Variants in GCC2 observed in about 807,000 individuals in gnomAD.
The protein encoded by GCC2 is GRIP and coiled-coil domain containing 2.
In GCC2, 120 loss-of-function variants were observed where a neutral mutation model predicts 210.6. The observed-to-expected ratio is 0.57, with a 90% CI of 0.49 to 0.66. The LOEUF (loss-of-function observed/expected upper bound fraction) is 0.66. Ranked by LOEUF, GCC2 falls within the 30% of genes least tolerant of loss-of-function variation. The pLI is 0.00. For missense variants in GCC2, 1,868 were observed against 1,871.9 expected, an observed-to-expected ratio of 1.00 and a Z score of 0.04; for synonymous variants, 703 against 652.7, an observed-to-expected ratio of 1.08 and a Z score of -1.17.
chr2:108,452,272 A>G, intron 3 of GCC2, 127 bp from the exon 4 acceptor site: 2 of 683,736 alleles, frequency 2.9e-6, no homozygotes. Context: ...GATTAATCAT[A>G]CTATTCTGCT....
At chr2:108,450,695 A>C (rs1179051200) in intron 2 of GCC2, among the ~76,000 whole-genome samples, 1 of 152,244 alleles carries the variant, frequency 6.6e-6, no homozygotes, top group Non-Finnish European at 1.5e-5. Context: ...CAGCCTGGCC[A>C]ACATGGTGAA....
In GCC2 at chr2:108,471,218, AAGT is replaced by A. The variant is rs1379176443; in HGVS notation, c.1892_1894del (p.Val631del). 7 of 1,606,420 alleles carry A rather than the reference AAGT, an allele frequency of 4.4e-6. No individual in the cohort carries two copies. The East Asian group carries it at 1.6e-4, about 36-fold the overall frequency. ...AGATTGATTCTTGAACTTGGGAAGA[AAGT>A]AGAGCAAACAATCCAGTACAACAGT... On this transcript the variant is annotated inframe_deletion, in exon 6 of 23. Transcript: ENST00000309863.
Position 108,495,472 on chromosome 2 carries a change from C to T in GCC2, c.4629C>T (p.Pro1543=), listed in dbSNP as rs779277462. Residue 1543 remains proline (P), a synonymous_variant, in exon 20 of 23, where the codon CCC becomes CCT. Coordinates refer to ENST00000309863, the MANE Select transcript of GCC2 (RefSeq NM_181453.4). ...CTTTAGAGCAGCTGCTTAACTCTCC[C>T]GAAACTAAACTTGGTATGTTACTCT... ...TQSLEQLLNS[P]ETKLEPPLWH... is the part of the protein sequence containing the mutation. 28 of 1,589,710 alleles carry T rather than the reference C, an allele frequency of 1.8e-5. No homozygotes were observed. The highest frequency in any genetic ancestry group is 2.4e-5 in the Non-Finnish European group (28 of 1,175,756).
At chr2:108,450,573 G>A (rs936581676) in intron 2 of GCC2, among the ~76,000 whole-genome samples, 2 of 152,180 alleles carry the variant, frequency 1.3e-5, no homozygotes, top group African/African-American at 4.8e-5. Flanking sequence ...CAGAATTGAC[G>A]TTGCATTTGC....
intron 9 of GCC2, among the ~76,000 whole-genome samples, chr2:108,480,247 G>A (rs1292801365): frequency 3.9e-5 from 6 of 152,098 alleles, no homozygotes; most frequent in African/African-American, 1.4e-4. Flanking sequence ...CTATTAAAAA[G>A]TCAAAAAAAT....
chr2:108,498,268 T>A (rs2104509433), intron 21 of GCC2, among the ~76,000 whole-genome samples: 1 of 128,582 alleles, frequency 7.8e-6, no homozygotes, highest in Non-Finnish European at 1.6e-5. Flanking sequence ...CAATCTCAGC[T>A]CACTGCAATC....
chr2:108,499,223 C>G (rs1682795790), intron 21 of GCC2, among the ~76,000 whole-genome samples: 1 of 152,178 alleles, frequency 6.6e-6, no homozygotes, highest in Middle Eastern at 3.4e-3. Flanking sequence ...CCTCTTCCTT[C>G]CAACCCCAAA....
At chr2:108,492,832 A>G in intron 19 of GCC2, 42 bp downstream of exon 19, 2 of 1,377,500 alleles carry the variant, frequency 1.5e-6, no homozygotes, top group Non-Finnish European at 2.1e-6. Flanking sequence ...TCATGTTTTC[A>G]TGCATTTGTC....
Position 108,469,856 on chromosome 2 carries a change from C to T in GCC2, c.527C>T (p.Ser176Phe), listed in dbSNP as rs769277550. The change falls in exon 6 of 23, where the codon TCT (serine) becomes TTT (phenylalanine). Residue 176 changes from serine (S) to phenylalanine (F), a missense_variant. This residue lies in a region of GCC2 where 1,847 missense variants were observed against 1,765.2 expected (regional missense o/e 1.05). Coordinates refer to ENST00000309863, the MANE Select transcript of GCC2 (RefSeq NM_181453.4). ...LSEQLKFQNN[S>F]EDNVKKLQEE... ...GAACAACTTAAATTTCAGAACAACT[C>T]TGAAGATAATGTTAAAAAACTACAA... is the stretch of plus-strand genomic sequence containing the variant. 1.9e-6 allele frequency: 3 copies of T among 1,612,456 alleles called. No individual in the cohort carries two copies. The highest frequency in any genetic ancestry group is 2.2e-5 in the East Asian group (1 of 44,844).
At chr2:108,473,396 T>A (rs1681341885) in intron 7 of GCC2, 1 of 152,222 alleles carries the variant, frequency 6.6e-6, no homozygotes, top group Admixed American at 6.6e-5. Flanking sequence ...AGAAAGGTAT[T>A]CTAGGAAGAA....
chr2:108,479,534 G>T (rs1201450871), intron 9 of GCC2, among the ~76,000 whole-genome samples: 2 of 151,902 alleles, frequency 1.3e-5, no homozygotes, highest in Non-Finnish European at 2.9e-5. Flanking sequence ...CCAGCTACTT[G>T]GGAGGCTGAG....
chr2:108,451,840 T>TCTCTCTC (rs1301476983), intron 3 of GCC2, among the ~76,000 whole-genome samples: 2 of 133,674 alleles, frequency 1.5e-5, no homozygotes, highest in African/African-American at 5.6e-5. Flanking sequence ...TCTCTCTCTC[T>TCTCTCTC]CTTTTTTTTT....
rs1044734650 is a variant in GCC2, at chr2:108,489,960, G to A, written c.4175G>A (p.Arg1392Lys). 9 of 1,611,196 alleles carry A rather than the reference G, an allele frequency of 5.6e-6. No homozygotes were observed. The highest frequency in any genetic ancestry group is 1.3e-5 in the African/African-American group (1 of 74,848). Residue 1392 changes from arginine (R) to lysine (K), a missense_variant, in exon 18 of 23, where the codon AGG becomes AAG. By Grantham distance (26) the Arg-to-Lys change is conservative. Transcript: ENST00000309863. ...TCTGAACATGATACACTGCTAGAAA[G>A]GCACAACAAGATGCTGCAGGAAACT... ...LQSEHDTLLE[R>K]HNKMLQETVS...
intron 9 of GCC2, among the ~76,000 whole-genome samples, chr2:108,479,868 A>G (rs1423442345): frequency 1.3e-5 from 2 of 150,196 alleles, no homozygotes; most frequent in East Asian, 3.9e-4. Context: ...TGTAATCCCA[A>G]CTACCCCAGA....
chr2:108,465,573 A>G (rs1680838575), intron 4 of GCC2, among the ~76,000 whole-genome samples: 2 of 152,154 alleles, frequency 1.3e-5, no homozygotes, highest in South Asian at 4.1e-4. Flanking sequence ...CTCATCGCTT[A>G]GCTCCTACTT....
intron 20 of GCC2, 188 bp downstream of exon 20, chr2:108,495,673 A>T: frequency 2.6e-6 from 1 of 387,822 alleles, no homozygotes; most frequent in Non-Finnish European, 4.8e-6. Flanking sequence ...GATGGATGGG[A>T]TGGATGGATG....
Position 108,489,963 on chromosome 2 carries a change from A to G in GCC2, c.4178A>G (p.His1393Arg), listed in dbSNP as rs1000234141. ...QSEHDTLLER[H>R]NKMLQETVSK... ...GAACATGATACACTGCTAGAAAGGCACAACAAGATGCTGCAGGAAACTGTG... is the reference window on the plus strand; with the variant it reads ...GAACATGATACACTGCTAGAAAGGCGCAACAAGATGCTGCAGGAAACTGTG... The change falls in exon 18 of 23, where the codon CAC becomes CGC. Residue 1393 changes from histidine to arginine, a missense_variant. His to Arg is a conservative substitution (Grantham distance 29, BLOSUM62 0). Coordinates refer to ENST00000309863, the MANE Select transcript of GCC2 (RefSeq NM_181453.4). The G allele has an allele frequency of 9.3e-6, 15 of 1,611,140 alleles. No homozygotes were observed. The highest frequency in any genetic ancestry group is 1.1e-5 in the Non-Finnish European group (13 of 1,179,062).
In GCC2 at chr2:108,490,008, G is replaced by A. The variant is rs764642889; in HGVS notation, c.4223G>A (p.Arg1408Gln). The change falls in exon 18 of 23, where the codon CGG becomes CAG. Residue 1408 changes from arginine (R) to glutamine (Q), a missense_variant. Arg to Gln is a conservative substitution (Grantham distance 43). Transcript: ENST00000309863. ...QETVSKEAEL[R>Q]EKLCSIQSEN... Reference sequence around the variant, plus strand: ...ACTGTGTCCAAAGAGGCGGAACTCCGGGAAAAGTAAGACTGTTAGCAGCAC... The same window carrying A: ...ACTGTGTCCAAAGAGGCGGAACTCCAGGAAAAGTAAGACTGTTAGCAGCAC... 59 of 1,599,090 alleles carry A rather than the reference G, an allele frequency of 3.7e-5. No homozygotes were observed. The highest frequency in any genetic ancestry group is 4.8e-5 in the Non-Finnish European group (56 of 1,174,454).
intron 2 of GCC2, 52 bp downstream of exon 2, chr2:108,449,741 A>C (rs1306701610): frequency 6.9e-7 from 1 of 1,455,712 alleles, no homozygotes; most frequent in South Asian, 1.2e-5. Flanking sequence ...AGGGTGATGA[A>C]TTGGAAAACT....
Sources: allele counts gnomAD v4.1 joint callset (sites outside exome capture counted in the v4.1 genomes callset), GRCh38; gene constraint gnomAD v4.1.1; regional missense constraint gnomAD v4.1.1; transcripts MANE v1.5; gene names NCBI Gene and HGNC (gene_info 2026-07-23, HGNC 2026-07-21).